Variants in ARMH3 observed in about 807,000 individuals in gnomAD.
The protein encoded by ARMH3 is armadillo-like helical domain-containing protein 3.
In ARMH3, 60 loss-of-function variants were observed where a neutral mutation model predicts 99.1. The ratio of observed to expected loss-of-function variants is 0.61; its 90% confidence interval spans 0.49 to 0.75. The LOEUF (loss-of-function observed/expected upper bound fraction) is 0.75. Ranked by LOEUF, ARMH3 falls within the 30% of genes least tolerant of loss-of-function variation. The pLI is 0.00. For missense variants in ARMH3, 679 were observed against 843.1 expected (o/e 0.81, Z 2.41); for synonymous variants, 285 against 292.8 (o/e 0.97, Z 0.27).
In ARMH3 at chr10:101,951,025, G is replaced by A. The variant is rs115446803; in HGVS notation, c.1705+5572C>T. On this transcript the variant is annotated intron_variant, in intron 22 of 25. Coordinates refer to ENST00000370033, the MANE Select transcript of ARMH3 (RefSeq NM_024541.3). ...TGTTTCTGCATATTGGCAATAAACAGTTAAAAATTAAAATTTTCAAAAATA... is the reference window on the plus strand; with the variant it reads ...TGTTTCTGCATATTGGCAATAAACAATTAAAAATTAAAATTTTCAAAAATA... Among the ~76,000 whole-genome samples, 1,427 of 152,240 alleles carry A rather than the reference G, an allele frequency of 9.4e-3. 17 individuals are homozygous for A. The highest frequency in any genetic ancestry group is 0.033 in the African/African-American group (1,353 of 41,532).
chr10:102,033,609 A>G (rs1054660887), intron 2 of ARMH3, among the ~76,000 whole-genome samples: 3 of 152,074 alleles, frequency 2.0e-5, no homozygotes, highest in African/African-American at 2.4e-5. Flanking sequence ...CAGTAGAGAC[A>G]GGGTTTCACC....
chr10:101,985,974 T>C (rs1041539520), intron 19 of ARMH3, among the ~76,000 whole-genome samples: 2 of 151,562 alleles, frequency 1.3e-5, no homozygotes, highest in Non-Finnish European at 1.5e-5. Flanking sequence ...GCCAAGATCA[T>C]GCCACTGCAC....
At chr10:101,947,845 T>C (rs912353738) in intron 22 of ARMH3, among the ~76,000 whole-genome samples, 11 of 149,602 alleles carry the variant, frequency 7.4e-5, no homozygotes, top group Admixed American at 2.0e-4. Flanking sequence ...ATAGACCCTA[T>C]ATAGTAGCAA....
intron 23 of ARMH3, among the ~76,000 whole-genome samples, chr10:101,924,881 C>T (rs192924800): frequency 4.3e-4 from 65 of 152,156 alleles, no homozygotes; most frequent in African/African-American, 1.6e-3. Flanking sequence ...GTAGTCCCAG[C>T]TACTTGGGAG....
Position 102,023,677 on chromosome 10 carries a change from G to A in ARMH3, c.580C>T (p.Gln194Ter). The A allele has an allele frequency of 6.2e-7, 1 of 1,613,766 alleles. No individual in the cohort carries two copies. Residue 194 changes from glutamine to a stop codon, truncating the protein, a stop_gained and splice_region_variant, in exon 7 of 26, where the codon CAG (glutamine) becomes TAG (stop). Coordinates refer to ENST00000370033, the MANE Select transcript of ARMH3 (RefSeq NM_024541.3). LOFTEE classifies it high-confidence loss of function. ...MINSIFEAIL[Q>*]ILSHPPSRRE... ...AGAGGAGGTAACAAGGGACCTACCTGTAAAATTGCTTCAAATATGCTGTTG... is the reference window on the plus strand; with the variant it reads ...AGAGGAGGTAACAAGGGACCTACCTATAAAATTGCTTCAAATATGCTGTTG...
intron 19 of ARMH3, among the ~76,000 whole-genome samples, chr10:101,989,279 G>C (rs948945295): frequency 1.3e-5 from 2 of 152,144 alleles, no homozygotes; most frequent in Admixed American, 6.5e-5. Context: ...CACACCTGTA[G>C]TCCCAGCTAC....
intron 8 of ARMH3, among the ~76,000 whole-genome samples, chr10:102,015,123 G>T (rs567186367): frequency 2.1e-4 from 32 of 152,086 alleles, no homozygotes; most frequent in Non-Finnish European, 3.8e-4. Context: ...CAACTTAAGG[G>T]GTAAAACCCA....
At chr10:101,924,900 G>A (rs1590031518) in intron 23 of ARMH3, among the ~76,000 whole-genome samples, 1 of 152,010 alleles carries the variant, frequency 6.6e-6, no homozygotes, top group African/African-American at 2.4e-5. Flanking sequence ...AGGCTGAGGC[G>A]GGAGGATTGC....
intron 14 of ARMH3, among the ~76,000 whole-genome samples, chr10:102,002,727 G>C (rs1019239950): frequency 6.6e-6 from 1 of 151,984 alleles, no homozygotes; most frequent in Non-Finnish European, 1.5e-5. Context: ...TTGGGAGCCC[G>C]AGTTGGGCAC....
At chr10:101,847,720 C>T in intron 25 of ARMH3, 100 bp from the exon 26 acceptor site, 2 of 1,020,332 alleles carry the variant, frequency 2.0e-6, no homozygotes, top group Admixed American at 1.8e-5. Context: ...CTACACGGGG[C>T]ACTAGAAGTC....
chr10:101,913,339 TTCTCTCTCTC>T (rs1199990866), intron 23 of ARMH3: 1 of 122,152 alleles, frequency 8.2e-6, no homozygotes, highest in Non-Finnish European at 1.7e-5. Context: ...AGGAAGTACA[TTCTCTCTCTC>T]TCTCTCTCTC....
chr10:101,968,682 C>A (rs1202054167), intron 20 of ARMH3, among the ~76,000 whole-genome samples: 3 of 152,110 alleles, frequency 2.0e-5, no homozygotes, highest in Admixed American at 1.3e-4. Flanking sequence ...CTGTAACAGG[C>A]TAAACCTGTT....
rs890863895 is a variant in ARMH3 at position 101,940,986 on chromosome 10, T to C, written c.1706-1048A>G. Among the ~76,000 whole-genome samples, 38 of 152,346 alleles carry C rather than the reference T, an allele frequency of 2.5e-4. 1 individual carries two copies. Among genetic ancestry groups the C allele is most frequent in the South Asian group, 1.0e-3 (5 of 4,832 alleles). Reference sequence around the variant, plus strand: ...ATGGCTAATTAATAAGGGCTAAATATGCAGAGAGCTTACTATGTGCCAGGC... The same window carrying C: ...ATGGCTAATTAATAAGGGCTAAATACGCAGAGAGCTTACTATGTGCCAGGC... On this transcript the variant is annotated intron_variant, in intron 22 of 25. Coordinates refer to ENST00000370033, the MANE Select transcript of ARMH3 (RefSeq NM_024541.3).
At chr10:101,901,701 G>C (rs2067984876) in intron 23 of ARMH3, among the ~76,000 whole-genome samples, 4 of 152,130 alleles carry the variant, frequency 2.6e-5, no homozygotes, top group Non-Finnish European at 4.4e-5. Context: ...CAGGTGGTAG[G>C]GTTGGCTACA....
intron 19 of ARMH3, among the ~76,000 whole-genome samples, chr10:101,984,010 T>C (rs1846345387): frequency 6.6e-6 from 1 of 152,086 alleles, no homozygotes; most frequent in Non-Finnish European, 1.5e-5. Flanking sequence ...TGAAACTACC[T>C]CCAGGTAGAT....
intron 19 of ARMH3, among the ~76,000 whole-genome samples, chr10:101,980,088 A>G (rs1041059197): frequency 6.6e-6 from 1 of 152,212 alleles, no homozygotes; most frequent in African/African-American, 2.4e-5. Flanking sequence ...CTGGAACTCC[A>G]GGCTCATCAC....
intron 24 of ARMH3, among the ~76,000 whole-genome samples, chr10:101,876,215 C>T (rs2067260191): frequency 7.0e-6 from 1 of 142,230 alleles, no homozygotes; most frequent in African/African-American, 2.6e-5. Flanking sequence ...CGCCACTGCA[C>T]TCCAGCCTGG....
chr10:101,926,827 G>A (rs1843525502), intron 23 of ARMH3, among the ~76,000 whole-genome samples: 4 of 152,126 alleles, frequency 2.6e-5, no homozygotes, highest in Admixed American at 6.5e-5. Context: ...TTAGGGAGTA[G>A]CACAACCCTA....
intron 17 of ARMH3, 39 bp from the exon 18 acceptor site, chr10:101,992,077 A>AC: frequency 5.3e-6 from 8 of 1,518,862 alleles, no homozygotes; most frequent in Non-Finnish European, 7.3e-6. Flanking sequence ...ATTAGTAGAC[A>AC]CCGGCACTGA....
Sources: gnomAD v4.1 joint callset for allele counts (sites outside exome capture counted in the v4.1 genomes callset) on GRCh38, gnomAD v4.1.1 for gene constraint, MANE v1.5 for transcripts, NCBI Gene and HGNC (gene_info 2026-07-23, HGNC 2026-07-21) for gene names.